Variants in FAM135A observed in about 807,000 individuals in gnomAD.
FAM135A encodes family with sequence similarity 135 member A.
FAM135A carries 79 observed loss-of-function variants against 146.8 expected under a neutral mutation model. The observed-to-expected ratio is 0.54, with a 90% CI of 0.45 to 0.65. The LOEUF (loss-of-function observed/expected upper bound fraction) is 0.65. FAM135A is among the 30% of genes least tolerant of loss of function. The pLI is 0.00. For missense variants in FAM135A, 1,623 were observed against 1,758.2 expected (o/e 0.92, Z 1.38); for synonymous variants, 562 against 603.6 (o/e 0.93, Z 1.01).
At chr6:70,485,713 GGC>G (rs1415568293) in intron 10 of FAM135A, among the ~76,000 whole-genome samples, 1 of 151,808 alleles carries the variant, frequency 6.6e-6, no homozygotes, top group East Asian at 1.9e-4. Flanking sequence ...AGTTCCTTTC[GGC>G]TTTTTTGCCT....
intron 5 of FAM135A, among the ~76,000 whole-genome samples, chr6:70,454,689 G>C (rs767824347): frequency 7.2e-5 from 11 of 152,046 alleles, no homozygotes; most frequent in Non-Finnish European, 1.5e-4. Context: ...TGTTGTTTTT[G>C]TCAGGTTTGT....
At chr6:70,494,108 A>C (rs987137669) in intron 11 of FAM135A, among the ~76,000 whole-genome samples, 5 of 151,542 alleles carry the variant, frequency 3.3e-5, no homozygotes, top group African/African-American at 1.2e-4. Context: ...GAAGTAGGAA[A>C]ATGTTCATAC....
intron 20 of FAM135A, among the ~76,000 whole-genome samples, chr6:70,547,157 T>C (rs1274357262): frequency 6.6e-6 from 1 of 152,170 alleles, no homozygotes. Context: ...GTATAGAAAT[T>C]AAATAAAGGT....
chr6:70,542,338 TATC>T (rs1273028504), intron 20 of FAM135A, among the ~76,000 whole-genome samples: 1 of 152,142 alleles, frequency 6.6e-6, no homozygotes, highest in Admixed American at 6.5e-5. Flanking sequence ...ATGCTTTTTG[TATC>T]ACCTCATGTG....
intron 11 of FAM135A, among the ~76,000 whole-genome samples, chr6:70,497,458 T>C (rs1440427452): frequency 1.3e-5 from 2 of 152,218 alleles, no homozygotes; most frequent in Non-Finnish European, 2.9e-5. Context: ...ACAGTTTGAC[T>C]TCCTCTCTTC....
intron 14 of FAM135A, 35 bp downstream of exon 14, chr6:70,524,156 T>C: frequency 6.4e-7 from 1 of 1,566,026 alleles, no homozygotes; most frequent in Non-Finnish European, 8.7e-7. Flanking sequence ...ACAAGCTATG[T>C]GTATAGTTTT....
At position 70,542,625 on chromosome 6, in the gene FAM135A, G is replaced by A. The variant is rs556532154; in HGVS notation, c.4228+4224G>A. Among the ~76,000 whole-genome samples the A allele has an allele frequency of 4.2e-4, 64 of 152,204 alleles. No individual in the cohort carries two copies. In the Middle Eastern group the frequency reaches 0.01, roughly 24 times the overall value. The stretch of plus-strand genomic sequence containing the variant: ...CATAGCTCACTGCAGCCTTGAACTC[G>A]TGGATCAAGCAATTCTCCCATCTCA... On this transcript the variant is annotated intron_variant, in intron 20 of 21. Transcript: ENST00000418814.
chr6:70,544,450 C>T (rs1798480605), intron 20 of FAM135A, among the ~76,000 whole-genome samples: 1 of 151,952 alleles, frequency 6.6e-6, no homozygotes, highest in South Asian at 2.1e-4. Context: ...ATCGCTTGAA[C>T]CTGGGAGGCG....
chr6:70,486,475 A>G (rs937275246), intron 10 of FAM135A, among the ~76,000 whole-genome samples: 2 of 152,308 alleles, frequency 1.3e-5, no homozygotes, highest in South Asian at 2.1e-4. Flanking sequence ...GGTAAATGCA[A>G]AACTCACTGG....
chr6:70,519,720 A>T (rs1793114955), intron 12 of FAM135A, among the ~76,000 whole-genome samples: 1 of 152,092 alleles, frequency 6.6e-6, no homozygotes, highest in Admixed American at 6.5e-5. Flanking sequence ...TAAAAAAGGT[A>T]TAATGCTATT....
intron 5 of FAM135A, among the ~76,000 whole-genome samples, chr6:70,467,673 T>C (rs1780729236): frequency 6.6e-6 from 1 of 152,004 alleles, no homozygotes; most frequent in Admixed American, 6.6e-5. Flanking sequence ...CTTTCTATCT[T>C]TTACTCTCTT....
chr6:70,523,226 C>T (rs1793990236), intron 13 of FAM135A, among the ~76,000 whole-genome samples: 1 of 152,060 alleles, frequency 6.6e-6, no homozygotes, highest in Non-Finnish European at 1.5e-5. Flanking sequence ...CATGAGGGAA[C>T]CATCTGAGTA....
intron 3 of FAM135A, 180 bp downstream of exon 3, chr6:70,426,712 C>G (rs907537351): frequency 6.6e-6 from 1 of 152,126 alleles, no homozygotes; most frequent in Admixed American, 6.5e-5. Context: ...GGATCAAGGT[C>G]GAGGATTGTT....
Position 70,463,209 on chromosome 6 carries a change from T to TC in FAM135A, c.157+10642dup, listed in dbSNP as rs1244706595. On this transcript the variant is annotated intron_variant, in intron 5 of 21. Transcript: ENST00000418814. ...CCTCCTTTTTAAAACCGTAGGTAACTCCCCTAAGCAGTTAGATGTTTCCTT... is the reference window on the plus strand; with the variant it reads ...CCTCCTTTTTAAAACCGTAGGTAACTCCCCCTAAGCAGTTAGATGTTTCCTT... 6.6e-5 allele frequency among the ~76,000 whole-genome samples: 10 copies of TC among 152,264 alleles called. No homozygotes were observed. The East Asian group carries it at 1.9e-3, about 29-fold the overall frequency.
chr6:70,550,575 C>T (rs1799641962), intron 20 of FAM135A, among the ~76,000 whole-genome samples: 1 of 152,148 alleles, frequency 6.6e-6, no homozygotes, highest in Non-Finnish European at 1.5e-5. Flanking sequence ...TATTCAGTAA[C>T]CCATGCTGTA....
intron 7 of FAM135A, 44 bp downstream of exon 7, chr6:70,475,777 G>A: frequency 1.4e-6 from 2 of 1,416,878 alleles, no homozygotes; most frequent in Non-Finnish European, 2.0e-6. Flanking sequence ...ACTTATGACT[G>A]TTATTTGTTA....
intron 10 of FAM135A, among the ~76,000 whole-genome samples, chr6:70,482,928 T>G (rs922754102): frequency 2.8e-5 from 4 of 141,916 alleles, no homozygotes; most frequent in Admixed American, 6.9e-5. Context: ...TATATTGTTT[T>G]ATAAGTTTTT....
chr6:70,519,398 A>G (rs1316095525), intron 12 of FAM135A, among the ~76,000 whole-genome samples: 2 of 152,250 alleles, frequency 1.3e-5, no homozygotes, highest in Non-Finnish European at 2.9e-5. Context: ...GATTTGGAAT[A>G]TTACATAAAC....
intron 4 of FAM135A, among the ~76,000 whole-genome samples, chr6:70,440,326 C>T (rs1025221626): frequency 6.6e-6 from 1 of 152,148 alleles, no homozygotes; most frequent in Non-Finnish European, 1.5e-5. Flanking sequence ...AGTTCCCTAT[C>T]ACTTAATTGA....
Sources: allele counts gnomAD v4.1 joint callset (sites outside exome capture counted in the v4.1 genomes callset), GRCh38; gene constraint gnomAD v4.1.1; transcripts MANE v1.5; gene names NCBI Gene and HGNC (gene_info 2026-07-23, HGNC 2026-07-21).